The following GRM7 variants were observed in gnomAD, a reference collection of about 807,000 sequenced individuals.
The protein encoded by GRM7 is metabotropic glutamate receptor 7.
GRM7 carries 35 observed loss-of-function variants against 84.5 expected under a neutral mutation model. The observed-to-expected ratio is 0.41, with a 90% CI of 0.32 to 0.55. GRM7 has a LOEUF of 0.55. Among genes scored for constraint, GRM7 ranks in the 20% least tolerant of loss-of-function variants. The pLI, the probability that GRM7 is intolerant of heterozygous loss-of-function variation, is 0.19. For missense variants in GRM7, 1,003 were observed against 1,194.6 expected (o/e 0.84, Z 2.36); for synonymous variants, 487 against 455.1 (o/e 1.07, Z -0.89).
chr3:7,236,436 A>G (rs927786633), intron 2 of GRM7, among the ~76,000 whole-genome samples: 8 of 152,196 alleles, frequency 5.3e-5, no homozygotes, highest in African/African-American at 1.9e-4. Context: ...ATGGCTTCCT[A>G]TATCCATGCC....
At chr3:6,993,777 C>T (rs1016176805) in intron 1 of GRM7, among the ~76,000 whole-genome samples, 3 of 152,004 alleles carry the variant, frequency 2.0e-5, no homozygotes, top group South Asian at 2.1e-4. Flanking sequence ...CAGGGCTTAA[C>T]GATGGATTAC....
intron 2 of GRM7, among the ~76,000 whole-genome samples, chr3:7,275,792 C>T (rs980314816): frequency 6.6e-6 from 1 of 152,224 alleles, no homozygotes; most frequent in Non-Finnish European, 1.5e-5. Context: ...CACATATATT[C>T]ACTGTAAGAA....
intron 2 of GRM7, among the ~76,000 whole-genome samples, chr3:7,189,268 G>A (rs561887410): frequency 4.6e-5 from 7 of 151,992 alleles, no homozygotes; most frequent in South Asian, 2.1e-4. Flanking sequence ...ACACACACAC[G>A]CACGTGAGAA....
intron 2 of GRM7, among the ~76,000 whole-genome samples, chr3:7,236,989 GAAAT>G (rs370524990): frequency 2.1e-3 from 315 of 152,248 alleles, no homozygotes; most frequent in African/African-American, 7.1e-3. Flanking sequence ...TTGAAAAAAG[GAAAT>G]AAATTATTAA....
At chr3:7,220,438 G>A (rs1696762263) in intron 2 of GRM7, among the ~76,000 whole-genome samples, 2 of 152,128 alleles carry the variant, frequency 1.3e-5, no homozygotes, top group East Asian at 1.9e-4. Context: ...AATCCTAATT[G>A]AGGGACGTTC....
At position 6,889,497 on chromosome 3, in the gene GRM7, T is replaced by A. The variant is rs566794679; in HGVS notation, c.519+27590T>A. On this transcript the variant is annotated intron_variant, in intron 1 of 9. Coordinates refer to ENST00000357716, the MANE Select transcript of GRM7 (RefSeq NM_000844.4). ...TGCATCTATTGAGATAATCATGTGGTTTTTGTCTTTGGTTCTGTTTATATG... is the reference window on the plus strand; with the variant it reads ...TGCATCTATTGAGATAATCATGTGGATTTTGTCTTTGGTTCTGTTTATATG... Among the ~76,000 whole-genome samples the A allele has an allele frequency of 2.7e-3, 403 of 152,018 alleles. 4 individuals are homozygous for A. Among genetic ancestry groups the A allele is most frequent in the African/African-American group, 9.3e-3 (384 of 41,432 alleles).
chr3:7,392,655 G>A (rs1284612302), intron 4 of GRM7, among the ~76,000 whole-genome samples: 1 of 152,222 alleles, frequency 6.6e-6, no homozygotes, highest in Admixed American at 6.5e-5. Flanking sequence ...TCCTAGATAT[G>A]TGTAGAAGAG....
chr3:7,637,294 C>G (rs141952739), intron 8 of GRM7, among the ~76,000 whole-genome samples: 1 of 152,144 alleles, frequency 6.6e-6, no homozygotes, highest in African/African-American at 2.4e-5. Context: ...TAGACATGAG[C>G]CACCATGCTC....
chr3:6,955,657 A>G (rs1026754647), intron 1 of GRM7, among the ~76,000 whole-genome samples: 2 of 152,116 alleles, frequency 1.3e-5, no homozygotes, highest in African/African-American at 4.8e-5. Context: ...AGCGTGGCCA[A>G]CATGGTGACA....
At chr3:7,660,589 T>C (rs1048714445) in intron 8 of GRM7, among the ~76,000 whole-genome samples, 11 of 152,232 alleles carry the variant, frequency 7.2e-5, no homozygotes, top group African/African-American at 2.6e-4. Context: ...AATTATAATA[T>C]AAATTCAAAT....
intron 1 of GRM7, among the ~76,000 whole-genome samples, chr3:7,069,279 C>A (rs752976163): frequency 2.6e-5 from 4 of 151,924 alleles, no homozygotes; most frequent in Admixed American, 6.6e-5. Flanking sequence ...GTCACCAGAA[C>A]CAGTGAGTAG....
intron 2 of GRM7, among the ~76,000 whole-genome samples, chr3:7,275,003 G>T (rs1699001129): frequency 6.6e-6 from 1 of 151,804 alleles, no homozygotes; most frequent in Admixed American, 6.6e-5. Context: ...TTTTCTGTTT[G>T]CTTTTCCATT....
chr3:7,207,769 TA>T, intron 2 of GRM7, among the ~76,000 whole-genome samples: 1 of 152,258 alleles, frequency 6.6e-6, no homozygotes, highest in Non-Finnish European at 1.5e-5. Flanking sequence ...ATCAGATTTT[TA>T]AAACACTACT....
intron 1 of GRM7, among the ~76,000 whole-genome samples, chr3:6,953,828 C>G (rs1692898846): frequency 6.6e-6 from 1 of 152,088 alleles, no homozygotes; most frequent in Non-Finnish European, 1.5e-5. Context: ...CTGCTCCCTC[C>G]AGTGACATAA....
chr3:7,405,769 C>T (rs1305678708), intron 4 of GRM7, among the ~76,000 whole-genome samples: 1 of 151,802 alleles, frequency 6.6e-6, no homozygotes, highest in Non-Finnish European at 1.5e-5. Context: ...CTGTGTTTTG[C>T]TTTATAGATG....
chr3:7,468,069 A>G lies in GRM7; in HGVS notation c.1515+6347A>G, dbSNP rs371120081. Among the ~76,000 whole-genome samples, 234 of 152,330 alleles carry G rather than the reference A, an allele frequency of 1.5e-3. 1 individual carries two copies. The highest frequency in any genetic ancestry group is 5.4e-3 in the African/African-American group (223 of 41,580). On this transcript the variant is annotated intron_variant, in intron 7 of 9. Transcript: ENST00000357716. ...AATACAATTAAATGTTTCCAAATCA[A>G]TATGGACTTATACCTGCCTATAAAA...
At chr3:7,074,130 A>AT (rs1327397143) in intron 1 of GRM7, among the ~76,000 whole-genome samples, 1 of 152,102 alleles carries the variant, frequency 6.6e-6, no homozygotes, top group Non-Finnish European at 1.5e-5. Flanking sequence ...ATATCTAAAT[A>AT]TTTTTCATGT....
Position 7,194,660 on chromosome 3 carries a change from G to A in GRM7, c.736+47992G>A, listed in dbSNP as rs535633392. On this transcript the variant is annotated intron_variant, in intron 2 of 9. Coordinates refer to ENST00000357716, the MANE Select transcript of GRM7 (RefSeq NM_000844.4). ...AGACAGTGCAGTTAGGATGCCTTAAGGCAATCCTGGCTCTACCTGCTTTCA... is the reference window on the plus strand; with the variant it reads ...AGACAGTGCAGTTAGGATGCCTTAAAGCAATCCTGGCTCTACCTGCTTTCA... 2.6e-5 allele frequency among the ~76,000 whole-genome samples: 4 copies of A among 152,210 alleles called. No homozygotes were observed. In the East Asian group the frequency reaches 7.7e-4, roughly 29 times the overall value.
At chr3:7,254,375 ATCTC>A (rs1698122381) in intron 2 of GRM7, among the ~76,000 whole-genome samples, 1 of 152,234 alleles carries the variant, frequency 6.6e-6, no homozygotes, top group African/African-American at 2.4e-5. Context: ...AGAGAACTTT[ATCTC>A]TCCTGTTTAC....
Sources: allele counts gnomAD v4.1 joint callset (sites outside exome capture counted in the v4.1 genomes callset), GRCh38; gene constraint gnomAD v4.1.1; transcripts MANE v1.5; gene names NCBI Gene and HGNC (gene_info 2026-07-23, HGNC 2026-07-21).